Variants in ZBTB25 observed in about 807,000 individuals in gnomAD.
ZBTB25 encodes the protein zinc finger and BTB domain-containing protein 25.
ZBTB25 carries 20 observed loss-of-function variants against 34.2 expected under a neutral mutation model. That is an observed-to-expected ratio of 0.58 (90% confidence interval 0.41 to 0.85). ZBTB25 has a LOEUF of 0.85. Among genes scored for constraint, ZBTB25 ranks in the 40% least tolerant of loss-of-function variants. ZBTB25 has a pLI of 0.00. For missense variants in ZBTB25, 437 were observed against 521.8 expected (o/e 0.84, Z 1.58); for synonymous variants, 175 against 186.4 (o/e 0.94, Z 0.50).
rs2078862206 is a variant in ZBTB25, at chr14:64,486,335, G to C, written c.*588C>G. The C allele has an allele frequency of 1.0e-6, 1 of 984,852 alleles. No homozygotes were observed. The highest frequency in any genetic ancestry group is 1.2e-6 in the Non-Finnish European group (1 of 829,758). The allele number at this position is 984,852 out of a possible 1,614,324, so 61.0% of individuals were successfully genotyped here. On this transcript the variant is annotated 3_prime_UTR_variant, in exon 3 of 3. Coordinates refer to ENST00000608382, the MANE Select transcript of ZBTB25 (RefSeq NM_006977.5). ...AAAGAGGTATACTCAATGTTAAAAA[G>C]TAAAGAGAAGCCATGTAGGTAAGAT...
rs192078733 is a variant in ZBTB25 at position 64,485,863 on chromosome 14, C to G, written c.*1060G>C. On this transcript the variant is annotated 3_prime_UTR_variant, in exon 3 of 3. Coordinates refer to ENST00000608382, the MANE Select transcript of ZBTB25 (RefSeq NM_006977.5). ...TTTTTAAGGTGTCTAAGAAAACACTCTAGACCAAGTTAACAACCCTGGGGT... is the reference window on the plus strand; with the variant it reads ...TTTTTAAGGTGTCTAAGAAAACACTGTAGACCAAGTTAACAACCCTGGGGT... 1.0e-6 allele frequency: 1 copy of G among 985,396 alleles called. No individual in the cohort carries two copies. The highest frequency in any genetic ancestry group is 1.1e-4 in the East Asian group (1 of 8,816). The allele number at this position is 985,396 out of a possible 1,614,324, so 61.0% of individuals were successfully genotyped here.
intron 2 of ZBTB25, chr14:64,458,435 C>A: frequency 1.3e-6 from 1 of 746,302 alleles, no homozygotes; most frequent in East Asian, 2.6e-5. Flanking sequence ...TCAGACTTCC[C>A]TGAGGGGAGA....
chr14:64,466,202 T>C (rs1410563419), intron 2 of ZBTB25, among the ~76,000 whole-genome samples: 1 of 152,216 alleles, frequency 6.6e-6, no homozygotes, highest in Non-Finnish European at 1.5e-5. Flanking sequence ...ACTTTAAGAT[T>C]TCCTGAGGCG....
At chr14:64,469,433 A>C (rs755421306) in intron 2 of ZBTB25, 1 of 1,613,236 alleles carries the variant, frequency 6.2e-7, no homozygotes, top group Admixed American at 1.7e-5. Context: ...AGACACTGAA[A>C]TCAGTGAATT....
chr14:64,499,766 T>C (rs1372372552), intron 1 of ZBTB25, among the ~76,000 whole-genome samples: 1 of 152,218 alleles, frequency 6.6e-6, no homozygotes, highest in Admixed American at 6.5e-5. Context: ...AAATTCTAAA[T>C]CTGAAAATAC....
At chr14:64,459,822 G>A in intron 2 of ZBTB25, 1 of 1,535,942 alleles carries the variant, frequency 6.5e-7, no homozygotes, top group African/African-American at 1.4e-5. Context: ...GGCCCACTGG[G>A]AGTTAGGAAG....
chr14:64,455,137 A>T (rs1163332926), intron 2 of ZBTB25: 2 of 454,294 alleles, frequency 4.4e-6, no homozygotes, highest in Non-Finnish European at 4.1e-6. Flanking sequence ...CAGGGACAGT[A>T]TGCTCTTCAC....
chr14:64,469,550 GAAC>G (rs868369962), intron 2 of ZBTB25: 1 of 1,613,776 alleles, frequency 6.2e-7, no homozygotes, highest in African/African-American at 1.3e-5. Flanking sequence ...TAGAACTTCA[GAAC>G]AATATGAAAC....
At chr14:64,450,344 A>C (rs2078350657) in intron 2 of ZBTB25, among the ~76,000 whole-genome samples, 1 of 152,242 alleles carries the variant, frequency 6.6e-6, no homozygotes, top group African/African-American at 2.4e-5. Flanking sequence ...CTTTTCAGTA[A>C]TAGGGGAAAG....
At chr14:64,500,024 A>G (rs1031979818) in intron 1 of ZBTB25, among the ~76,000 whole-genome samples, 1 of 152,266 alleles carries the variant, frequency 6.6e-6, no homozygotes, top group Admixed American at 6.5e-5. Context: ...AGCCAAGCAC[A>G]CAAGAATACT....
chr14:64,503,205 G>A, intron 1 of ZBTB25: 1 of 985,448 alleles, frequency 1.0e-6, no homozygotes, highest in Non-Finnish European at 1.2e-6. Flanking sequence ...ATGTCTTCTT[G>A]CCCTAGAAAC....
At position 64,484,536 on chromosome 14, in the gene ZBTB25, C is replaced by G. The variant is rs2078838153; in HGVS notation, c.*2387G>C. On this transcript the variant is annotated 3_prime_UTR_variant, in exon 3 of 3. Transcript: ENST00000608382. ...GTCTCTGCTAAAAACACAAAATTAG[C>G]TGGGTATGGTGGTGCATGCCTGTAA... 6.6e-6 allele frequency: 1 copy of G among 152,164 alleles called. No homozygotes were observed. The allele number at this position is 152,164 out of a possible 1,614,324, so 9.4% of individuals were successfully genotyped here.
intron 1 of ZBTB25, chr14:64,502,521 T>TG (rs2079530145): frequency 6.4e-6 from 3 of 468,352 alleles, no homozygotes; most frequent in Non-Finnish European, 8.4e-6. Flanking sequence ...CAGGGGTGGC[T>TG]GGGGGGTGTA....
chr14:64,485,969 A>C lies in ZBTB25; in HGVS notation c.*954T>G. On this transcript the variant is annotated 3_prime_UTR_variant, in exon 3 of 3. Coordinates refer to ENST00000608382, the MANE Select transcript of ZBTB25 (RefSeq NM_006977.5). ...GTGTGTATATCTTACTGTTTCTTAAATATTTTTTAATGTCTCTCTGACTCT... is the reference window on the plus strand; with the variant it reads ...GTGTGTATATCTTACTGTTTCTTAACTATTTTTTAATGTCTCTCTGACTCT... 1.0e-6 allele frequency: 1 copy of C among 984,358 alleles called. No homozygotes were observed. Among genetic ancestry groups the C allele is most frequent in the Non-Finnish European group, 1.2e-6 (1 of 829,170 alleles). 61.0% of individuals were successfully genotyped at this position (984,358 alleles called of 1,614,324 possible). A position where few individuals can be genotyped will look rare whatever the true frequency, so the allele number is the denominator to read the frequency against.
chr14:64,459,957 CTGTTT>C, intron 2 of ZBTB25: 2 of 1,519,050 alleles, frequency 1.3e-6, no homozygotes, highest in Non-Finnish European at 1.8e-6. Context: ...TCATGCATGT[CTGTTT>C]ACTTTAGTGA....
At chr14:64,495,516 T>C (rs117336688) in intron 1 of ZBTB25, among the ~76,000 whole-genome samples, 528 of 152,364 alleles carry the variant, frequency 3.5e-3, no homozygotes, top group Admixed American at 6.7e-3. Context: ...GTTATTACAG[T>C]TGTAGCCACC....
downstream of ZBTB25, chr14:64,473,251 T>G (rs1398821951): frequency 6.0e-6 from 1 of 167,002 alleles, no homozygotes; most frequent in East Asian, 1.9e-4. Flanking sequence ...CAAACAGAAA[T>G]TATGTTCCCT....
chr14:64,500,475 A>AAAG (rs35009526), intron 1 of ZBTB25, among the ~76,000 whole-genome samples: 4,322 of 69,928 alleles, frequency 0.062, 234 homozygotes, highest in Non-Finnish European at 0.098. Flanking sequence ...AAAAAAAAAA[A>AAAG]AGAGAGAGAG....
downstream of ZBTB25, among the ~76,000 whole-genome samples, chr14:64,477,007 C>A (rs976334252): frequency 4.6e-5 from 7 of 152,290 alleles, no homozygotes; most frequent in African/African-American, 1.7e-4. Context: ...CCTTTTAATA[C>A]AAGTTCTACC....
Sources: gnomAD v4.1 joint callset for allele counts (sites outside exome capture counted in the v4.1 genomes callset) on GRCh38, gnomAD v4.1.1 for gene constraint, MANE v1.5 for transcripts, NCBI Gene and HGNC (gene_info 2026-07-23, HGNC 2026-07-21) for gene names.